DLGAP2: variants seen among roughly 807,000 people sequenced by gnomAD.
DLGAP2 encodes the protein DLG associated protein 2, also known as disks large-associated protein 2.
A neutral mutation model predicts 100.3 loss-of-function variants in DLGAP2; 26 were observed. The observed-to-expected ratio is 0.26, with a 90% CI of 0.19 to 0.36. The LOEUF (loss-of-function observed/expected upper bound fraction) is 0.36, where lower values mean the gene tolerates loss of function less well. Ranked by LOEUF, DLGAP2 falls within the 10% of genes least tolerant of loss-of-function variation. The pLI, the probability that DLGAP2 is intolerant of heterozygous loss-of-function variation, is 1.00. For synonymous variants in DLGAP2, 886 were observed against 630.1 expected, an observed-to-expected ratio of 1.41 and a Z score of -6.08; for missense variants, 1,858 against 1,453.2, an observed-to-expected ratio of 1.28 and a Z score of -4.53.
chr8:935,025 C>T (rs527356765), intron 2 of DLGAP2, among the ~76,000 whole-genome samples: 1 of 152,312 alleles, frequency 6.6e-6, no homozygotes, highest in African/African-American at 2.4e-5. Flanking sequence ...CTTCCGTTGG[C>T]ACTGGGAAGG....
chr8:1,038,907 C>A (rs369696403), intron 2 of DLGAP2, among the ~76,000 whole-genome samples: 1 of 152,160 alleles, frequency 6.6e-6, no homozygotes, highest in Non-Finnish European at 1.5e-5. Flanking sequence ...TTGTCAGTTT[C>A]TCGGGTAACC....
At chr8:1,114,237 C>T (rs1805048264) in intron 2 of DLGAP2, among the ~76,000 whole-genome samples, 1 of 151,866 alleles carries the variant, frequency 6.6e-6, no homozygotes. Context: ...AGGAGTCCCT[C>T]CTTTTCAGTT....
intron 3 of DLGAP2, among the ~76,000 whole-genome samples, chr8:1,275,907 T>A (rs1410812960): frequency 8.0e-6 from 1 of 125,632 alleles, no homozygotes; most frequent in Non-Finnish European, 1.6e-5. Context: ...TAAATATATA[T>A]AATATATAAA....
At chr8:1,512,941 A>C (rs1241797500) in intron 4 of DLGAP2, among the ~76,000 whole-genome samples, 2 of 152,140 alleles carry the variant, frequency 1.3e-5, no homozygotes, top group African/African-American at 4.8e-5. Context: ...GTCCCAGGCC[A>C]CAGCGGAGAA....
intron 2 of DLGAP2, among the ~76,000 whole-genome samples, chr8:970,370 C>T (rs1298423823): frequency 6.6e-6 from 1 of 152,124 alleles, no homozygotes. Flanking sequence ...TTTTACATAG[C>T]AAACCTACAA....
chr8:1,481,611 T>C (rs1799099256), intron 3 of DLGAP2, among the ~76,000 whole-genome samples: 1 of 151,094 alleles, frequency 6.6e-6, no homozygotes, highest in African/African-American at 2.4e-5. Context: ...CCTGAATGGC[T>C]GGGATTACAG....
intron 3 of DLGAP2, among the ~76,000 whole-genome samples, chr8:1,361,759 C>T (rs1428220487): frequency 2.0e-5 from 3 of 152,222 alleles, no homozygotes; most frequent in African/African-American, 4.8e-5. Context: ...GAAATTTGTA[C>T]AAAAATCCAG....
intron 3 of DLGAP2, among the ~76,000 whole-genome samples, chr8:1,297,438 C>T (rs1033223950): frequency 2.1e-3 from 294 of 142,754 alleles, no homozygotes; most frequent in Non-Finnish European, 2.9e-3. Flanking sequence ...AGACACCACG[C>T]GAGACAGGGA....
chr8:1,066,523 C>T (rs749569628), intron 2 of DLGAP2, among the ~76,000 whole-genome samples: 68 of 144,736 alleles, frequency 4.7e-4, no homozygotes, highest in African/African-American at 1.2e-3. Flanking sequence ...TTCCCCACCA[C>T]GGTCAGGTCT....
chr8:842,023 C>T (rs953665055), intron 1 of DLGAP2, among the ~76,000 whole-genome samples: 2 of 152,134 alleles, frequency 1.3e-5, no homozygotes, highest in Non-Finnish European at 2.9e-5. Flanking sequence ...ACACCAAGTA[C>T]CTTTCTCACA....
At chr8:1,455,538 C>T (rs1798288508) in intron 3 of DLGAP2, among the ~76,000 whole-genome samples, 1 of 152,236 alleles carries the variant, frequency 6.6e-6, no homozygotes, top group South Asian at 2.1e-4. Flanking sequence ...AGTCAGTCCG[C>T]CTGACACACA....
At chr8:1,555,700 G>C (rs1336250147) in intron 5 of DLGAP2, among the ~76,000 whole-genome samples, 4 of 152,254 alleles carry the variant, frequency 2.6e-5, no homozygotes, top group Admixed American at 2.0e-4. Context: ...GCTGGGAGCA[G>C]CTTGGTGCCG....
intron 4 of DLGAP2, among the ~76,000 whole-genome samples, chr8:1,530,870 C>T (rs1023504370): frequency 3.3e-5 from 5 of 152,166 alleles, no homozygotes; most frequent in African/African-American, 9.7e-5. Flanking sequence ...GACTTGGGGT[C>T]AGAAGAGACT....
At chr8:1,635,221 A>G (rs1048786815) in intron 8 of DLGAP2, among the ~76,000 whole-genome samples, 5 of 152,218 alleles carry the variant, frequency 3.3e-5, no homozygotes, top group Admixed American at 6.5e-5. Flanking sequence ...AATATAGTCT[A>G]TTTAGCAAGA....
chr8:1,216,222 C>G (rs918137755), intron 2 of DLGAP2, among the ~76,000 whole-genome samples: 6 of 152,304 alleles, frequency 3.9e-5, no homozygotes, highest in Admixed American at 1.3e-4. Flanking sequence ...GTCTTCAGGT[C>G]TCACGTGAAC....
At chr8:944,029 A>C (rs1164774310) in intron 2 of DLGAP2, among the ~76,000 whole-genome samples, 1 of 152,252 alleles carries the variant, frequency 6.6e-6, no homozygotes, top group Non-Finnish European at 1.5e-5. Context: ...TGTTTTCACA[A>C]ATCTGTGACT....
chr8:1,645,458 C>T (rs1282725419), intron 8 of DLGAP2, among the ~76,000 whole-genome samples: 1 of 152,194 alleles, frequency 6.6e-6, no homozygotes, highest in African/African-American at 2.4e-5. Flanking sequence ...ATGTATTAAA[C>T]GTGTTTCCCA....
rs149235491 is a variant in DLGAP2, at chr8:976,569, G to A, written c.73+68603G>A. 5.6e-3 allele frequency among the ~76,000 whole-genome samples: 845 copies of A among 152,158 alleles called. 8 individuals are homozygous for A. Among genetic ancestry groups the A allele is most frequent in the African/African-American group, 0.018 (747 of 41,506 alleles). ...GGAGCTTGCAGTGAGGCGAGATTGCGCCACTGCTCTCCAGCCTGGGCGACA... is the reference window on the plus strand; with the variant it reads ...GGAGCTTGCAGTGAGGCGAGATTGCACCACTGCTCTCCAGCCTGGGCGACA... On this transcript the variant is annotated intron_variant, in intron 2 of 14. Coordinates refer to ENST00000637795, the MANE Select transcript of DLGAP2 (RefSeq NM_001346810.2).
intron 2 of DLGAP2, chr8:1,003,399 C>A (rs1347486589): frequency 6.6e-6 from 1 of 152,200 alleles, no homozygotes; most frequent in East Asian, 1.9e-4. Flanking sequence ...GTGCAGTGAT[C>A]CTGCCACATG....
Sources: gnomAD v4.1 joint callset for allele counts (sites outside exome capture counted in the v4.1 genomes callset) on GRCh38, gnomAD v4.1.1 for gene constraint, MANE v1.5 for transcripts, NCBI Gene and HGNC (gene_info 2026-07-23, HGNC 2026-07-21) for gene names.